Variants in LHFPL3 observed in about 807,000 individuals in gnomAD.
LHFPL3 encodes the protein LHFPL tetraspan subfamily member 3 protein.
In LHFPL3, 5 loss-of-function variants were observed where a neutral mutation model predicts 19.3. The ratio of observed to expected loss-of-function variants is 0.26; its 90% CI spans 0.14 to 0.54. The LOEUF is 0.54. LHFPL3 is among the 20% of genes least tolerant of loss of function. The pLI, the probability that LHFPL3 is intolerant of heterozygous loss-of-function variation, is 0.94. For synonymous variants in LHFPL3, 133 were observed against 126.2 expected, an observed-to-expected ratio of 1.05 and a Z score of -0.36; for missense variants, 249 against 307.4, an observed-to-expected ratio of 0.81 and a Z score of 1.42.
chr7:104,720,787 A>C (rs200179364), intron 1 of LHFPL3, among the ~76,000 whole-genome samples: 17 of 152,376 alleles, frequency 1.1e-4, no homozygotes, highest in Admixed American at 4.6e-4. Context: ...ACATGAAAAA[A>C]TGCTCATCAT....
In LHFPL3 at chr7:104,403,205, A is replaced by T. The variant is rs186988219; in HGVS notation, c.445+73981A>T. Among the ~76,000 whole-genome samples, 140 of 152,354 alleles carry T rather than the reference A, an allele frequency of 9.2e-4. 1 individual carries two copies. The highest frequency in any genetic ancestry group is 3.2e-3 in the African/African-American group (132 of 41,590). On this transcript the variant is annotated intron_variant, in intron 1 of 2. Coordinates refer to ENST00000424859, the MANE Select transcript of LHFPL3 (RefSeq NM_199000.3). The stretch of plus-strand genomic sequence containing the variant: ...ACTTAAAGTATAATAAATAAATTTT[A>T]AAAAAGAAAACTCCTACTCAGTCTT...
intron 1 of LHFPL3, among the ~76,000 whole-genome samples, chr7:104,406,435 A>G (rs770612200): frequency 4.6e-5 from 7 of 151,758 alleles, no homozygotes; most frequent in Non-Finnish European, 7.3e-5. Flanking sequence ...TCTATCCACT[A>G]TGTGCCAGGA....
At chr7:104,815,449 T>C (rs1210331918) in intron 2 of LHFPL3, among the ~76,000 whole-genome samples, 2 of 152,234 alleles carry the variant, frequency 1.3e-5, no homozygotes, top group African/African-American at 4.8e-5. Flanking sequence ...TAATTCTGTG[T>C]TAAACTGTGC....
intron 1 of LHFPL3, among the ~76,000 whole-genome samples, chr7:104,349,477 T>A (rs1436123680): frequency 6.6e-6 from 1 of 152,234 alleles, no homozygotes; most frequent in Non-Finnish European, 1.5e-5. Context: ...AGCCCTTTTA[T>A]GATATTGCTC....
At chr7:104,498,202 C>T (rs550203049) in intron 1 of LHFPL3, among the ~76,000 whole-genome samples, 5 of 152,078 alleles carry the variant, frequency 3.3e-5, no homozygotes, top group Admixed American at 2.0e-4. Context: ...CTTGGGAACT[C>T]ATGGTGCTAC....
intron 1 of LHFPL3, among the ~76,000 whole-genome samples, chr7:104,682,902 A>C (rs759878305): frequency 1.3e-5 from 2 of 152,220 alleles, no homozygotes; most frequent in Non-Finnish European, 2.9e-5. Flanking sequence ...AAGTTAGAAA[A>C]CACAAACTGC....
chr7:104,598,886 G>C (rs1465935481), intron 1 of LHFPL3, among the ~76,000 whole-genome samples: 1 of 152,172 alleles, frequency 6.6e-6, no homozygotes, highest in Non-Finnish European at 1.5e-5. Flanking sequence ...TAAATTCCCA[G>C]AATTCCCTCA....
intron 1 of LHFPL3, among the ~76,000 whole-genome samples, chr7:104,732,628 A>G (rs1216919522): frequency 1.3e-5 from 2 of 151,956 alleles, no homozygotes; most frequent in African/African-American, 4.8e-5. Flanking sequence ...CTTCTTTATT[A>G]GTCTTGTTAG....
chr7:104,491,337 C>T (rs534247372), intron 1 of LHFPL3, among the ~76,000 whole-genome samples: 1 of 152,162 alleles, frequency 6.6e-6, no homozygotes, highest in Non-Finnish European at 1.5e-5. Flanking sequence ...TGTGTTCCCC[C>T]TCCCCTACCC....
chr7:104,430,441 T>TATATAC (rs1791971245), intron 1 of LHFPL3, among the ~76,000 whole-genome samples: 2 of 15,790 alleles, frequency 1.3e-4, no homozygotes, highest in African/African-American at 3.3e-4. Flanking sequence ...TATATATATA[T>TATATAC]ATATATATAT....
At chr7:104,896,770 G>A (rs1410809008) in intron 2 of LHFPL3, among the ~76,000 whole-genome samples, 2 of 152,156 alleles carry the variant, frequency 1.3e-5, no homozygotes, top group African/African-American at 4.8e-5. Context: ...TGCATATTCA[G>A]TAGAAGGTAT....
At chr7:104,507,299 C>A (rs1314362598) in intron 1 of LHFPL3, among the ~76,000 whole-genome samples, 2 of 146,202 alleles carry the variant, frequency 1.4e-5, no homozygotes, top group African/African-American at 5.1e-5. Flanking sequence ...TCAGAAATAA[C>A]CCCGCATATC....
chr7:104,446,580 ATTTG>A (rs1382558512), intron 1 of LHFPL3, among the ~76,000 whole-genome samples: 2 of 150,974 alleles, frequency 1.3e-5, no homozygotes, highest in African/African-American at 2.4e-5. Flanking sequence ...TTTATTTTTT[ATTTG>A]TTTGTGTATG....
At chr7:104,477,017 G>C (rs1014199001) in intron 1 of LHFPL3, among the ~76,000 whole-genome samples, 1 of 151,984 alleles carries the variant, frequency 6.6e-6, no homozygotes, top group African/African-American at 2.4e-5. Flanking sequence ...TTAATACAAA[G>C]TCTTGCTCTC....
chr7:104,462,928 G>T (rs941499264), intron 1 of LHFPL3, among the ~76,000 whole-genome samples: 4 of 151,918 alleles, frequency 2.6e-5, no homozygotes, highest in African/African-American at 4.8e-5. Context: ...GCTCATTATT[G>T]GTCTGTTTGG....
intron 1 of LHFPL3, among the ~76,000 whole-genome samples, chr7:104,379,390 G>C (rs961047859): frequency 1.1e-4 from 16 of 152,312 alleles, no homozygotes; most frequent in African/African-American, 3.8e-4. Context: ...TTGTAAGATT[G>C]TAAGTCTGCC....
At chr7:104,691,468 C>T (rs762113487) in intron 1 of LHFPL3, among the ~76,000 whole-genome samples, 5 of 152,248 alleles carry the variant, frequency 3.3e-5, no homozygotes, top group Non-Finnish European at 7.3e-5. Context: ...GCACTACAAC[C>T]CCTGTCTAGG....
chr7:104,378,337 G>T (rs543616723), intron 1 of LHFPL3, among the ~76,000 whole-genome samples: 1 of 152,118 alleles, frequency 6.6e-6, no homozygotes, highest in Non-Finnish European at 1.5e-5. Context: ...AAGCTTTTTT[G>T]GCAGAGCACG....
chr7:104,368,516 C>T (rs1790541089), intron 1 of LHFPL3, among the ~76,000 whole-genome samples: 1 of 152,156 alleles, frequency 6.6e-6, no homozygotes, highest in Non-Finnish European at 1.5e-5. Context: ...TAATCTCCTC[C>T]TTTATGTTCA....
Sources: gnomAD v4.1 joint callset for allele counts (sites outside exome capture counted in the v4.1 genomes callset) on GRCh38, gnomAD v4.1.1 for gene constraint, MANE v1.5 for transcripts, NCBI Gene and HGNC (gene_info 2026-07-23, HGNC 2026-07-21) for gene names.